The following MGRN1 variants were observed in gnomAD, a reference collection of about 807,000 sequenced individuals.
MGRN1 encodes the protein E3 ubiquitin-protein ligase MGRN1.
Under a neutral mutation model 69.2 loss-of-function variants are expected in MGRN1, and 29 were observed. The ratio of observed to expected loss-of-function variants is 0.42; its 90% confidence interval spans 0.31 to 0.57. The LOEUF (loss-of-function observed/expected upper bound fraction) is 0.57. MGRN1 is among the 20% of genes least tolerant of loss of function. The probability of loss-of-function intolerance (pLI) is 0.15; values close to 1 mark genes in which losing one functional copy is unlikely to be tolerated. For synonymous variants in MGRN1, 470 were observed against 344.2 expected, an observed-to-expected ratio of 1.37 and a Z score of -4.04; for missense variants, 998 against 796.2, an observed-to-expected ratio of 1.25 and a Z score of -3.05.
intron 1 of MGRN1, among the ~76,000 whole-genome samples, chr16:4,640,917 G>C (rs918799044): frequency 9.2e-5 from 14 of 152,218 alleles, no homozygotes; most frequent in African/African-American, 3.1e-4. Context: ...GCCAAGCTTC[G>C]TTTCCTGTAT....
rs573242927 is a variant in MGRN1, at chr16:4,681,772, G to A, written c.1354G>A (p.Asp452Asn). ...GGGCAGGCCGCAGAGCAAGGCCCCC[G>A]ACAGGTGAGCAGCAGCCAGGCCAGG... is the stretch of plus-strand genomic sequence containing the variant. ...QKGRPQSKAP[D>N]STLRSPSSPI... The change falls in exon 13 of 17, where the codon GAC (aspartate) becomes AAC (asparagine). Residue 452 changes from aspartate to asparagine, a missense_variant. Coordinates refer to ENST00000262370, the MANE Select transcript of MGRN1 (RefSeq NM_015246.4). The A allele has an allele frequency of 1.9e-5, 31 of 1,610,282 alleles. No homozygotes were observed. Among genetic ancestry groups the A allele is most frequent in the East Asian group, 4.5e-5 (2 of 44,790 alleles).
intron 14 of MGRN1, 35 bp from the exon 15 acceptor site, chr16:4,683,175 GTGGCCGCGGCTCTC>G: frequency 6.2e-7 from 1 of 1,606,482 alleles, no homozygotes. Context: ...TCCTGGAGCG[GTGGCCGCGGCTCTC>G]TGAGCTCTAG....
intron 1 of MGRN1, among the ~76,000 whole-genome samples, chr16:4,625,550 G>T (rs1897632179): frequency 6.6e-6 from 1 of 152,220 alleles, no homozygotes; most frequent in South Asian, 2.1e-4. Flanking sequence ...GGAGGAGTGG[G>T]GCTGGGCCCA....
chr16:4,671,280 C>T (rs1596306184), intron 8 of MGRN1, 111 bp from the exon 9 acceptor site: 4 of 1,032,014 alleles, frequency 3.9e-6, no homozygotes, highest in East Asian at 2.4e-5. Flanking sequence ...GCTGGACTGA[C>T]CCCTGGTATG....
chr16:4,679,986 C>T (rs753041647), intron 11 of MGRN1, 46 bp from the exon 12 acceptor site: 8 of 1,573,064 alleles, frequency 5.1e-6, no homozygotes, highest in African/African-American at 2.7e-5. Context: ...ACTCCAGGGC[C>T]GCGTGGGGGT....
chr16:4,659,498 G>T (rs1313451240), intron 5 of MGRN1, among the ~76,000 whole-genome samples: 2 of 152,240 alleles, frequency 1.3e-5, no homozygotes, highest in African/African-American at 4.8e-5. Flanking sequence ...GAGGGGTACG[G>T]TGTTTAGGGC....
chr16:4,648,601 C>A (rs1371685059), intron 1 of MGRN1, among the ~76,000 whole-genome samples: 2 of 103,538 alleles, frequency 1.9e-5, no homozygotes, highest in African/African-American at 9.8e-5. Context: ...CGGGGCTCTT[C>A]CCGTGGTCAC....
chr16:4,668,802 A>T (rs1192043929), intron 8 of MGRN1, among the ~76,000 whole-genome samples: 1 of 152,028 alleles, frequency 6.6e-6, no homozygotes. Flanking sequence ...ACACATACAC[A>T]CACGTATACA....
At chr16:4,668,230 G>C (rs185666345) in intron 7 of MGRN1, 35 bp from the exon 8 acceptor site, 9 of 1,606,270 alleles carry the variant, frequency 5.6e-6, no homozygotes, top group Non-Finnish European at 7.7e-6. Flanking sequence ...GCGCCAGCTT[G>C]ACCACCTTAA....
intron 1 of MGRN1, among the ~76,000 whole-genome samples, chr16:4,629,948 A>G (rs1897912130): frequency 6.7e-6 from 1 of 148,326 alleles, no homozygotes; most frequent in African/African-American, 2.5e-5. Context: ...CAGGAGGCTG[A>G]GTCAGGAGAA....
chr16:4,630,048 CA>C lies in MGRN1; in HGVS notation c.88+5021del, dbSNP rs1166734489. Among the ~76,000 whole-genome samples the C allele has an allele frequency of 0.016, 719 of 43,868 alleles. 9 individuals carry two copies. The East Asian group carries it at 0.17, about 10-fold the overall frequency. 28.8% of individuals were successfully genotyped at this position (43,868 alleles called of 152,430 possible). ...CTGGGCAAACAGTGAGACACCATCT[CA>C]AAAAAAAAAAAAAAAAAAAAGCGCA... is the stretch of plus-strand genomic sequence containing the variant. On this transcript the variant is annotated intron_variant, in intron 1 of 16. Transcript: ENST00000262370.
intron 5 of MGRN1, 83 bp downstream of exon 5, chr16:4,657,446 G>T: frequency 1.5e-6 from 2 of 1,340,748 alleles, no homozygotes; most frequent in East Asian, 2.3e-5. Context: ...AGTGGGGTCT[G>T]TGTGTTTGGC....
At chr16:4,681,442 G>GA in intron 12 of MGRN1, 108 bp from the exon 13 acceptor site, 1 of 1,055,412 alleles carries the variant, frequency 9.5e-7, no homozygotes. Context: ...GAGGGTGGGG[G>GA]AGTCTCAATC....
intron 10 of MGRN1, among the ~76,000 whole-genome samples, chr16:4,675,224 T>G (rs2079029977): frequency 6.7e-6 from 1 of 149,966 alleles, no homozygotes; most frequent in South Asian, 2.1e-4. Flanking sequence ...CTGCCTGCCT[T>G]GGCCTCCCAA....
At chr16:4,665,248 T>A (rs1213678952) in intron 7 of MGRN1, 97 bp downstream of exon 7, 1 of 1,361,758 alleles carries the variant, frequency 7.3e-7, no homozygotes. Context: ...TGGGGCTTGG[T>A]GGGGTGGCTG....
intron 5 of MGRN1, among the ~76,000 whole-genome samples, chr16:4,662,812 G>T (rs1211997302): frequency 1.3e-5 from 2 of 152,212 alleles, no homozygotes; most frequent in African/African-American, 4.8e-5. Flanking sequence ...GTGTCTGTTG[G>T]TTCTGAGCAT....
At chr16:4,639,518 T>A (rs116307044) in intron 1 of MGRN1, among the ~76,000 whole-genome samples, 2 of 152,288 alleles carry the variant, frequency 1.3e-5, no homozygotes, top group African/African-American at 4.8e-5. Flanking sequence ...GGAGGAAGCC[T>A]GGGCTACCTA....
intron 16 of MGRN1, among the ~76,000 whole-genome samples, chr16:4,685,899 G>C (rs1022614595): frequency 6.6e-6 from 1 of 152,184 alleles, no homozygotes; most frequent in Admixed American, 6.5e-5. Flanking sequence ...TGGGGGCCCT[G>C]GTGTCTTGGA....
chr16:4,640,847 G>A (rs1168886896), intron 1 of MGRN1, among the ~76,000 whole-genome samples: 1 of 152,258 alleles, frequency 6.6e-6, no homozygotes, highest in Non-Finnish European at 1.5e-5. Flanking sequence ...TGAGAAACAA[G>A]TGGGCTCTGG....
Sources: gnomAD v4.1 joint callset for allele counts (sites outside exome capture counted in the v4.1 genomes callset) on GRCh38, gnomAD v4.1.1 for gene constraint, MANE v1.5 for transcripts, NCBI Gene and HGNC (gene_info 2026-07-23, HGNC 2026-07-21) for gene names.